The following ERG variants were observed in gnomAD, a reference collection of about 807,000 sequenced individuals.
ERG encodes transcriptional regulator ERG.
A neutral mutation model predicts 55.3 loss-of-function variants in ERG; 9 were observed. The observed-to-expected ratio is 0.16, with a 90% confidence interval of 0.10 to 0.28. The LOEUF (loss-of-function observed/expected upper bound fraction) is 0.28. Ranked by LOEUF, ERG falls within the 10% of genes least tolerant of loss-of-function variation. ERG has a pLI of 1.00. For missense variants in ERG, 434 were observed against 631.6 expected (o/e 0.69, Z 3.35); for synonymous variants, 223 against 237.3 (o/e 0.94, Z 0.55).
chr21:38,607,957 C>T (rs1226144315), intron 1 of ERG, among the ~76,000 whole-genome samples: 1 of 152,016 alleles, frequency 6.6e-6, no homozygotes, highest in African/African-American at 2.4e-5. Flanking sequence ...AAGAGTCTAA[C>T]CAGACTAAAA....
chr21:38,593,200 TG>T (rs1260411978), intron 1 of ERG, among the ~76,000 whole-genome samples: 2 of 152,200 alleles, frequency 1.3e-5, no homozygotes, highest in Non-Finnish European at 2.9e-5. Context: ...AGGGTCTGCC[TG>T]GGGCCCCCCT....
At chr21:38,429,045 C>T (rs62217933) in intron 2 of ERG, among the ~76,000 whole-genome samples, 34,018 of 152,056 alleles carry the variant, frequency 0.22, 3,963 homozygotes, top group South Asian at 0.3. Flanking sequence ...CACTCCCATG[C>T]TTCCCCCAGA....
intron 2 of ERG, among the ~76,000 whole-genome samples, chr21:38,444,057 G>A (rs1178995353): frequency 2.0e-5 from 3 of 152,308 alleles, no homozygotes; most frequent in African/African-American, 2.4e-5. Flanking sequence ...CAGCCTTGCC[G>A]TTGACATTCC....
chr21:38,546,810 C>T (rs530381067), intron 2 of ERG, among the ~76,000 whole-genome samples: 124 of 152,310 alleles, frequency 8.1e-4, no homozygotes, highest in African/African-American at 2.6e-3. Context: ...GTGTGCAGCA[C>T]AGAATACCAA....
chr21:38,483,330 G>T (rs1276179771), intron 1 of ERG, among the ~76,000 whole-genome samples: 5 of 151,982 alleles, frequency 3.3e-5, no homozygotes, highest in Non-Finnish European at 7.4e-5. Flanking sequence ...GTAAGATGAT[G>T]GATATGTTAA....
rs2146412471 is a variant in ERG at position 38,383,775 on chromosome 21, G to A, written c.1068C>T (p.Ser356=). The change falls in exon 10 of 10, where the codon AGC becomes AGT. Residue 356 remains serine, a synonymous_variant. Coordinates refer to ENST00000288319, the MANE Select transcript of ERG (RefSeq NM_182918.4). This position sits in a 1 kb window ranked among gnomAD's most constrained non-coding sequence, Gnocchi z 5.7. ...GCTTATCGTAGTTCATGTTGGGTTT[G>A]CTCTTCCGCTCTCCCCAGCGCCGGG... ...EVARRWGERK[S]KPNMNYDKLS... 1 of 1,614,166 alleles carries A rather than the reference G, an allele frequency of 6.2e-7. No homozygotes were observed. Among genetic ancestry groups the A allele is most frequent in the Non-Finnish European group, 8.5e-7 (1 of 1,180,030 alleles).
chr21:38,404,350 A>C (rs536530232), intron 3 of ERG, among the ~76,000 whole-genome samples: 114 of 152,230 alleles, frequency 7.5e-4, no homozygotes, highest in Middle Eastern at 3.4e-3. Context: ...CACCTGCAGG[A>C]GTGGGGTTGG....
At chr21:38,455,824 T>TG (rs941242042) in intron 1 of ERG, among the ~76,000 whole-genome samples, 5 of 132,342 alleles carry the variant, frequency 3.8e-5, no homozygotes, top group African/African-American at 1.1e-4. Flanking sequence ...GGTGAGGGGG[T>TG]GGGGGTGTCA....
chr21:38,381,071 G>C lies in ERG; in HGVS notation c.*2332C>G. ...GGCTGCTGCAAAATGATGGATGGTT[G>C]GGCTCCGTCTAATCCAAATGACACG... On this transcript the variant is annotated 3_prime_UTR_variant, in exon 10 of 10. Coordinates refer to ENST00000288319, the MANE Select transcript of ERG (RefSeq NM_182918.4). 9.4e-7 allele frequency: 1 copy of C among 1,064,794 alleles called. No individual in the cohort carries two copies. The highest frequency in any genetic ancestry group is 1.1e-6 in the Non-Finnish European group (1 of 878,960). The allele number at this position is 1,064,794 out of a possible 1,614,324, so 66.0% of individuals were successfully genotyped here. A position where few individuals can be genotyped will look rare whatever the true frequency, so the allele number is the denominator to read the frequency against.
chr21:38,621,864 C>G (rs2060292509), intron 1 of ERG, among the ~76,000 whole-genome samples: 1 of 152,230 alleles, frequency 6.6e-6, no homozygotes, highest in Admixed American at 6.5e-5. Context: ...CCCACTCATG[C>G]CTTTCCAGCA....
At chr21:38,406,429 T>A (rs1434744826) in intron 3 of ERG, among the ~76,000 whole-genome samples, 1 of 152,160 alleles carries the variant, frequency 6.6e-6, no homozygotes, top group African/African-American at 2.4e-5. Flanking sequence ...AATGTTTCTT[T>A]TTTCATGACA....
chr21:38,472,429 C>T lies in ERG; in HGVS notation c.18+25934G>A, dbSNP rs574152866. Among the ~76,000 whole-genome samples, 17 of 152,280 alleles carry T rather than the reference C, an allele frequency of 1.1e-4. 1 individual carries two copies. The South Asian group carries it at 3.5e-3, about 32-fold the overall frequency. ...CCTCCATGCCACTCCACATAGTATA[C>T]GGGACATATTTTAGGATCACCAGTT... On this transcript the variant is annotated intron_variant, in intron 1 of 9. Transcript: ENST00000288319.
intron 2 of ERG, among the ~76,000 whole-genome samples, chr21:38,561,293 C>T (rs73429417): frequency 0.017 from 2,607 of 152,222 alleles, 74 homozygotes; most frequent in African/African-American, 0.059. Context: ...GATGTCTTTG[C>T]TCATTGCCAA....
intron 6 of ERG, chr21:38,400,222 G>A (rs1988420200): frequency 2.2e-6 from 1 of 444,572 alleles, no homozygotes; most frequent in Non-Finnish European, 4.3e-6. Context: ...CTGTGAATCT[G>A]GGGAGTGTCC....
intron 3 of ERG, among the ~76,000 whole-genome samples, chr21:38,420,952 T>C (rs546343975): frequency 4.9e-4 from 75 of 152,262 alleles, no homozygotes; most frequent in African/African-American, 1.7e-3. Context: ...AAGGGTGAGA[T>C]GGGTTAGGGG....
chr21:38,473,544 C>G (rs1038046426), intron 1 of ERG, among the ~76,000 whole-genome samples: 22 of 151,868 alleles, frequency 1.4e-4, no homozygotes, highest in African/African-American at 5.3e-4. Flanking sequence ...CCTCACTTCA[C>G]GTAGGGGAAA....
At chr21:38,661,654 T>G (rs985513447) in intron 1 of ERG, 2 of 152,530 alleles carry the variant, frequency 1.3e-5, no homozygotes, top group African/African-American at 2.4e-5. Flanking sequence ...AAAATCCAGC[T>G]TACCTGAGCG....
At chr21:38,564,971 A>G (rs1346851177) in intron 2 of ERG, among the ~76,000 whole-genome samples, 1 of 152,196 alleles carries the variant, frequency 6.6e-6, no homozygotes, top group African/African-American at 2.4e-5. Context: ...TGGATATCCA[A>G]CAGGCATCTC....
chr21:38,640,135 T>A (rs1298513747), intron 1 of ERG, among the ~76,000 whole-genome samples: 11 of 151,906 alleles, frequency 7.2e-5, no homozygotes, highest in Admixed American at 7.2e-4. Context: ...TCATTGAAAA[T>A]CAATGAAAAA....
Sources: gnomAD v4.1 joint callset for allele counts (sites outside exome capture counted in the v4.1 genomes callset) on GRCh38, gnomAD v4.1.1 for gene constraint, Gnocchi (gnomAD v3.1) non-coding constraint, MANE v1.5 for transcripts, NCBI Gene and HGNC (gene_info 2026-07-23, HGNC 2026-07-21) for gene names.